Variants in LRFN5 observed in about 807,000 individuals in gnomAD.
LRFN5 encodes leucine-rich repeat and fibronectin type-III domain-containing protein 5.
In LRFN5, 24 loss-of-function variants were observed where a neutral mutation model predicts 45.6. That is an observed-to-expected ratio of 0.53 (90% CI 0.38 to 0.74). LRFN5 has a LOEUF of 0.74. Among genes scored for constraint, LRFN5 ranks in the 30% least tolerant of loss-of-function variants. The probability of loss-of-function intolerance (pLI) is 0.00; values close to 1 mark genes in which losing one functional copy is unlikely to be tolerated. For synonymous variants in LRFN5, 340 were observed against 313.8 expected, an observed-to-expected ratio of 1.08 and a Z score of -0.88; for missense variants, 776 against 861.5, an observed-to-expected ratio of 0.90 and a Z score of 1.24.
At chr14:41,626,623 A>T (rs1290363320) in intron 1 of LRFN5, among the ~76,000 whole-genome samples, 1 of 152,038 alleles carries the variant, frequency 6.6e-6, no homozygotes, top group East Asian at 1.9e-4. Context: ...GTTTATGGAG[A>T]CAGGAATGTT....
chr14:41,641,021 G>A lies in LRFN5; in HGVS notation c.-197+32459G>A, dbSNP rs549842241. Among the ~76,000 whole-genome samples the A allele has an allele frequency of 3.9e-5, 6 of 152,036 alleles. No individual in the cohort carries two copies. In the South Asian group the frequency reaches 1.0e-3, roughly 26 times the overall value. The stretch of plus-strand genomic sequence containing the variant: ...TTCAAAGAAATGCCACAAAAATCTT[G>A]ATGTTTTTCAAAGATATAGAATGGC... On this transcript the variant is annotated intron_variant, in intron 1 of 5. Coordinates refer to ENST00000298119, the MANE Select transcript of LRFN5 (RefSeq NM_152447.5).
rs149125583 is a variant in LRFN5, at chr14:41,795,783, G to C, written c.-21+28754G>C. Among the ~76,000 whole-genome samples the C allele has an allele frequency of 7.4e-3, 1,119 of 151,992 alleles. 15 individuals are homozygous for C. Among genetic ancestry groups the C allele is most frequent in the African/African-American group, 0.026 (1,070 of 41,486 alleles). Reference sequence around the variant, plus strand: ...ACACACCAGGGCCTGTCGTAGGTTGGGGGGAGGGGGGAGGAATAGCATTAG... The same window carrying C: ...ACACACCAGGGCCTGTCGTAGGTTGCGGGGAGGGGGGAGGAATAGCATTAG... On this transcript the variant is annotated intron_variant, in intron 2 of 5. Coordinates refer to ENST00000298119, the MANE Select transcript of LRFN5 (RefSeq NM_152447.5).
rs531033001 is a variant in LRFN5, at chr14:41,800,673, A to T, written c.-21+33644A>T. ...CCTAACAAATGAAATAATATGTTTT[A>T]AAAAAATTAAATGCAGCATACACGG... On this transcript the variant is annotated intron_variant, in intron 2 of 5. Transcript: ENST00000298119. Among the ~76,000 whole-genome samples the T allele has an allele frequency of 1.6e-3, 250 of 151,930 alleles. 1 individual carries two copies. Among genetic ancestry groups the T allele is most frequent in the Non-Finnish European group, 2.7e-3 (180 of 67,860 alleles).
intron 2 of LRFN5, among the ~76,000 whole-genome samples, chr14:41,778,179 A>C (rs866922437): frequency 1.8e-4 from 27 of 151,854 alleles, no homozygotes; most frequent in African/African-American, 6.0e-4. Context: ...ACTGAAAATA[A>C]ATATTTGATT....
chr14:41,845,087 C>G (rs1229384986), intron 2 of LRFN5, among the ~76,000 whole-genome samples: 3 of 152,094 alleles, frequency 2.0e-5, no homozygotes, highest in Non-Finnish European at 4.4e-5. Flanking sequence ...ACAATTTTAT[C>G]TAACACTAGG....
chr14:41,629,293 A>G (rs948054170), intron 1 of LRFN5, among the ~76,000 whole-genome samples: 3 of 152,164 alleles, frequency 2.0e-5, no homozygotes, highest in Admixed American at 1.3e-4. Context: ...AATTTATCCA[A>G]CAACAGGAGA....
At chr14:41,864,263 G>C (rs1342132290) in intron 2 of LRFN5, among the ~76,000 whole-genome samples, 1 of 152,114 alleles carries the variant, frequency 6.6e-6, no homozygotes, top group East Asian at 1.9e-4. Flanking sequence ...TTCCCCAATG[G>C]TTGAACTAAT....
At chr14:41,788,302 C>A (rs1185476181) in intron 2 of LRFN5, among the ~76,000 whole-genome samples, 2 of 152,030 alleles carry the variant, frequency 1.3e-5, no homozygotes, top group Admixed American at 6.6e-5. Context: ...GAAGTTAATT[C>A]TTCTGCCACT....
At chr14:41,763,490 C>T (rs192397776) in intron 1 of LRFN5, among the ~76,000 whole-genome samples, 1 of 152,160 alleles carries the variant, frequency 6.6e-6, no homozygotes, top group East Asian at 1.9e-4. Context: ...GTATTGGCAC[C>T]TTATGTGGTT....
intron 1 of LRFN5, among the ~76,000 whole-genome samples, chr14:41,620,409 A>G (rs1219439823): frequency 6.6e-6 from 1 of 152,120 alleles, no homozygotes; most frequent in African/African-American, 2.4e-5. Context: ...AAACACAAAA[A>G]GTAGGTAAAG....
chr14:41,759,569 C>T (rs536874271), intron 1 of LRFN5, among the ~76,000 whole-genome samples: 21 of 151,884 alleles, frequency 1.4e-4, no homozygotes. Context: ...ATTAGACAAG[C>T]ACAGGTAAAG....
At chr14:41,702,609 C>T (rs1882884033) in intron 1 of LRFN5, among the ~76,000 whole-genome samples, 1 of 151,954 alleles carries the variant, frequency 6.6e-6, no homozygotes, top group South Asian at 2.1e-4. Context: ...TCTACAGGAA[C>T]ATGCCACTGC....
chr14:41,734,348 A>ATATATATATATAT (rs1224866516), intron 1 of LRFN5, among the ~76,000 whole-genome samples: 32 of 114,328 alleles, frequency 2.8e-4, no homozygotes, highest in East Asian at 5.9e-4. Flanking sequence ...ATATATATTT[A>ATATATATATATAT]AATTTGCTGT....
intron 1 of LRFN5, among the ~76,000 whole-genome samples, chr14:41,742,189 G>C (rs988344890): frequency 2.0e-5 from 3 of 151,686 alleles, no homozygotes; most frequent in Non-Finnish European, 4.4e-5. Context: ...TCTGAAATCA[G>C]CATGTGAACG....
intron 2 of LRFN5, among the ~76,000 whole-genome samples, chr14:41,806,940 A>T (rs1887546717): frequency 6.6e-6 from 1 of 152,038 alleles, no homozygotes; most frequent in Non-Finnish European, 1.5e-5. Flanking sequence ...CCCCTAAACT[A>T]CTAAACTAAA....
chr14:41,683,459 C>G (rs1402962799), intron 1 of LRFN5, among the ~76,000 whole-genome samples: 4 of 152,004 alleles, frequency 2.6e-5, no homozygotes, highest in Non-Finnish European at 5.9e-5. Flanking sequence ...TATGGGGTGT[C>G]CTATCTAGAG....
At chr14:41,687,717 C>T (rs1161011186) in intron 1 of LRFN5, among the ~76,000 whole-genome samples, 1 of 152,082 alleles carries the variant, frequency 6.6e-6, no homozygotes, top group African/African-American at 2.4e-5. Context: ...AGTCATCATC[C>T]TCAGCAAACT....
chr14:41,893,572 C>T (rs1566510429), intron 4 of LRFN5: 3 of 985,064 alleles, frequency 3.0e-6, no homozygotes, highest in Non-Finnish European at 3.6e-6. Flanking sequence ...AGTTGAAATA[C>T]CACTTAAGAC....
intron 1 of LRFN5, among the ~76,000 whole-genome samples, chr14:41,729,427 T>G (rs137886436): frequency 7.6e-4 from 115 of 152,220 alleles, no homozygotes; most frequent in East Asian, 4.1e-3. Flanking sequence ...CCATACTCCC[T>G]GTAGAACCAT....
Sources: gnomAD v4.1 joint callset for allele counts (sites outside exome capture counted in the v4.1 genomes callset) on GRCh38, gnomAD v4.1.1 for gene constraint, MANE v1.5 for transcripts, NCBI Gene and HGNC (gene_info 2026-07-23, HGNC 2026-07-21) for gene names.